Variants in LMAN1 observed in about 807,000 individuals in gnomAD.
LMAN1 encodes lectin, mannose binding 1, also known as protein ERGIC-53.
In LMAN1, 32 loss-of-function variants were observed where a neutral mutation model predicts 67.8. That is an observed-to-expected ratio of 0.47 (90% CI 0.36 to 0.63). The LOEUF (loss-of-function observed/expected upper bound fraction) is 0.63, where lower values mean the gene tolerates loss of function less well. LMAN1 is among the 30% of genes least tolerant of loss of function. The pLI, the probability that LMAN1 is intolerant of heterozygous loss-of-function variation, is 0.00. For synonymous variants in LMAN1, 235 were observed against 219.3 expected, an observed-to-expected ratio of 1.07 and a Z score of -0.63; for missense variants, 632 against 628.2, an observed-to-expected ratio of 1.01 and a Z score of -0.06.
At chr18:59,355,108 A>G (rs761658500) in intron 3 of LMAN1, among the ~76,000 whole-genome samples, 8 of 152,206 alleles carry the variant, frequency 5.3e-5, no homozygotes, top group Non-Finnish European at 1.0e-4. Flanking sequence ...CTATGCCCTC[A>G]AGCTGATGTA....
intron 10 of LMAN1, chr18:59,333,791 A>G (rs958647969): frequency 6.6e-6 from 1 of 152,162 alleles, no homozygotes; most frequent in African/African-American, 2.4e-5. Flanking sequence ...TGGAGGAATA[A>G]ATAAATAAGT....
In LMAN1 at chr18:59,354,656, G is replaced by T. The variant is rs983134938; in HGVS notation, c.478-76C>A. The T allele has an allele frequency of 8.3e-6, 6 of 725,406 alleles. No homozygotes were observed. The Admixed American group carries it at 1.4e-4, about 17-fold the overall frequency. 44.9% of individuals were successfully genotyped at this position (725,406 alleles called of 1,614,324 possible). The stretch of plus-strand genomic sequence containing the variant: ...CATCATTCTTGATGTACTATGAAGT[G>T]ACTTACATATCTAAGATTCTAGGAC... On this transcript the variant is annotated intron_variant, in intron 3 of 12. Transcript: ENST00000251047.
In LMAN1 at chr18:59,338,878, T is replaced by G; in HGVS notation, c.1031A>C (p.Glu344Ala). The change falls in exon 9 of 13, where the codon GAA (glutamate) becomes GCA (alanine). Residue 344 changes from glutamate (E) to alanine (A), a missense_variant. By Grantham distance (107) the Glu-to-Ala change is moderately radical. Transcript: ENST00000251047. The part of the protein sequence containing the change: ...VFEGQNRIHL[E>A]IKQLNRQLDM... ...TAACTGCCGGTTCAGCTGCTTGATT[T>G]CAAGATGAATACGATTCTGTCCTTC... 1 of 1,613,818 alleles carries G rather than the reference T, an allele frequency of 6.2e-7. No individual in the cohort carries two copies. Among genetic ancestry groups the G allele is most frequent in the Non-Finnish European group, 8.5e-7 (1 of 1,179,928 alleles).
chr18:59,328,969 TA>T lies in LMAN1; in HGVS notation c.*2123del, dbSNP rs1177769918. On this transcript the variant is annotated 3_prime_UTR_variant, in exon 13 of 13. Transcript: ENST00000251047. ...ATTTTGTTTTAATCCAAGGCACCTG[TA>T]AAACACTTGCTGGTGTGAGAGAAGT... 2 of 152,312 alleles carry T rather than the reference TA, an allele frequency of 1.3e-5. No homozygotes were observed. The highest frequency in any genetic ancestry group is 3.9e-4 in the East Asian group (2 of 5,194). 9.4% of individuals were successfully genotyped at this position (152,312 alleles called of 1,614,324 possible). A position where few individuals can be genotyped will look rare whatever the true frequency, so the allele number is the denominator to read the frequency against.
chr18:59,337,455 G>GT (rs1908184657), intron 10 of LMAN1, among the ~76,000 whole-genome samples: 1 of 152,080 alleles, frequency 6.6e-6, no homozygotes, highest in South Asian at 2.1e-4. Context: ...TGATTGAATT[G>GT]TATCAATGTT....
intron 11 of LMAN1, 148 bp downstream of exon 11, chr18:59,332,943 T>A: frequency 4.6e-6 from 3 of 650,932 alleles, no homozygotes; most frequent in Non-Finnish European, 7.9e-6. Context: ...CCAGGACACA[T>A]GGAGATCTGC....
rs1452362107 is a variant in LMAN1, at chr18:59,328,462, C to T, written c.*2631G>A. The T allele has an allele frequency of 6.6e-6, 1 of 152,122 alleles. No individual in the cohort carries two copies. Among genetic ancestry groups the T allele is most frequent in the African/African-American group, 2.4e-5 (1 of 41,428 alleles). 9.4% of individuals were successfully genotyped at this position (152,122 alleles called of 1,614,324 possible). A position where few individuals can be genotyped will look rare whatever the true frequency, so the allele number is the denominator to read the frequency against. On this transcript the variant is annotated 3_prime_UTR_variant, in exon 13 of 13. Transcript: ENST00000251047. The stretch of plus-strand genomic sequence containing the variant: ...GAACCACGCGTTTTAATAAAAGGAA[C>T]ATTAAGTAAATTGTAGGTATAAAAG...
chr18:59,353,355 A>T, intron 4 of LMAN1, 54 bp from the exon 5 acceptor site: 3 of 1,255,120 alleles, frequency 2.4e-6, no homozygotes, highest in Non-Finnish European at 3.5e-6. Context: ...TCAATATTTA[A>T]AAATTCAGGA....
intron 5 of LMAN1, among the ~76,000 whole-genome samples, chr18:59,352,425 A>C (rs1057301912): frequency 1.3e-5 from 2 of 152,208 alleles, no homozygotes; most frequent in African/African-American, 4.8e-5. Context: ...TTCCTGCTTA[A>C]AACCCTTTAA....
chr18:59,339,081 C>A, intron 8 of LMAN1, 128 bp from the exon 9 acceptor site: 1 of 707,282 alleles, frequency 1.4e-6, no homozygotes, highest in South Asian at 1.6e-5. Context: ...TACAATCTCC[C>A]AAACAGAAAA....
chr18:59,350,923 A>G (rs539427009), intron 5 of LMAN1, among the ~76,000 whole-genome samples: 6 of 152,292 alleles, frequency 3.9e-5, no homozygotes, highest in South Asian at 4.1e-4. Context: ...GAGATCATCA[A>G]TAACCTTCCT....
intron 10 of LMAN1, among the ~76,000 whole-genome samples, chr18:59,335,514 T>G (rs1281568110): frequency 6.6e-6 from 1 of 151,336 alleles, no homozygotes; most frequent in African/African-American, 2.4e-5. Context: ...AACCGGAAGC[T>G]AACAGAATTG....
chr18:59,330,870 G>A lies in LMAN1; in HGVS notation c.*223C>T. 1 of 554,756 alleles carries A rather than the reference G, an allele frequency of 1.8e-6. No individual in the cohort carries two copies. The highest frequency in any genetic ancestry group is 3.3e-5 in the Admixed American group (1 of 30,712). The allele number at this position is 554,756 out of a possible 1,614,324, so 34.4% of individuals were successfully genotyped here. A position where few individuals can be genotyped will look rare whatever the true frequency, so the allele number is the denominator to read the frequency against. On this transcript the variant is annotated 3_prime_UTR_variant, in exon 13 of 13. Transcript: ENST00000251047. ...TTCTGCTCAGAGGCTGCATCATACT[G>A]ACCAGAAATTCACTGAAATTTAGAC...
rs61733371 is a variant in LMAN1 at position 59,338,952 on chromosome 18, C to T, written c.957G>A (p.Ala319=). The change falls in exon 9 of 13, where the codon GCG becomes GCA. Residue 319 remains alanine (A), a splice_region_variant and synonymous_variant. Transcript: ENST00000251047. The part of the protein sequence containing the change: ...KGHPDLQGQP[A]EEIFESVGDR... ...CTCCTACACTCTCAAATATTTCCTC[C>T]GCTGAAAAGGAAATAAATAAAAATG... is the stretch of plus-strand genomic sequence containing the variant. The T allele has an allele frequency of 1.6e-3, 2,531 of 1,609,736 alleles. 41 individuals are homozygous for T. In the African/African-American group the frequency reaches 0.027, roughly 17 times the overall value.
intron 1 of LMAN1, 41 bp downstream of exon 1, chr18:59,358,990 G>A (rs372000950): frequency 2.5e-6 from 4 of 1,588,488 alleles, no homozygotes; most frequent in East Asian, 2.2e-5. Context: ...GCAGCAGAAG[G>A]GGGAGAGGAA....
chr18:59,331,661 C>T (rs1191807499), intron 11 of LMAN1, 122 bp from the exon 12 acceptor site: 6 of 1,148,144 alleles, frequency 5.2e-6, no homozygotes, highest in Non-Finnish European at 7.6e-6. Flanking sequence ...TTTCATCCCC[C>T]AGAAAACCTT....
chr18:59,354,120 T>C (rs1908606249), intron 4 of LMAN1, among the ~76,000 whole-genome samples: 1 of 152,170 alleles, frequency 6.6e-6, no homozygotes, highest in African/African-American at 2.4e-5. Flanking sequence ...TAACACAATA[T>C]TGAAGTTAAA....
In LMAN1 at chr18:59,347,320, CAAAAAAAAAAAAAAAAAAAAA is replaced by C. The variant is rs58932497; in HGVS notation, c.822+172_822+192del. On this transcript the variant is annotated intron_variant, in intron 7 of 12. Coordinates refer to ENST00000251047, the MANE Select transcript of LMAN1 (RefSeq NM_005570.4). ...TGGGAGACAGAGCGAGACTCCGTCT[CAAAAAAAAAAAAAAAAAAAAA>C]AAAAAAAAAAAAAAAAAAAGAAATG... is the stretch of plus-strand genomic sequence containing the variant. 2.0e-4 allele frequency among the ~76,000 whole-genome samples: 14 copies of C among 70,350 alleles called. 1 individual carries two copies. Among genetic ancestry groups the C allele is most frequent in the South Asian group, 6.0e-4 (1 of 1,658 alleles). The allele number at this position is 70,350 out of a possible 152,430, so 46.2% of individuals were successfully genotyped here. A position where few individuals can be genotyped will look rare whatever the true frequency, so the allele number is the denominator to read the frequency against.
chr18:59,328,815 A>G lies in LMAN1; in HGVS notation c.*2278T>C, dbSNP rs1480886250. The G allele has an allele frequency of 6.6e-6, 1 of 152,250 alleles. No homozygotes were observed. The highest frequency in any genetic ancestry group is 1.5e-5 in the Non-Finnish European group (1 of 68,046). The allele number at this position is 152,250 out of a possible 1,614,324, so 9.4% of individuals were successfully genotyped here. A position where few individuals can be genotyped will look rare whatever the true frequency, so the allele number is the denominator to read the frequency against. On this transcript the variant is annotated 3_prime_UTR_variant, in exon 13 of 13. Coordinates refer to ENST00000251047, the MANE Select transcript of LMAN1 (RefSeq NM_005570.4). ...TTCATGGTAAAGTTTTAAGCTGAAT[A>G]AAACATTCAAACAATTATTAGAACA...
Sources: allele counts gnomAD v4.1 joint callset (sites outside exome capture counted in the v4.1 genomes callset), GRCh38; gene constraint gnomAD v4.1.1; transcripts MANE v1.5; gene names NCBI Gene and HGNC (gene_info 2026-07-23, HGNC 2026-07-21).